LDLRAD4: variants seen among roughly 807,000 people sequenced by gnomAD.
LDLRAD4 encodes low-density lipoprotein receptor class A domain-containing protein 4.
In LDLRAD4, 5 loss-of-function variants were observed where a neutral mutation model predicts 17.0. That is an observed-to-expected ratio of 0.29 (90% CI 0.15 to 0.62). LDLRAD4 has a LOEUF of 0.62. LDLRAD4 is among the 20% of genes least tolerant of loss of function. The pLI is 0.84. For synonymous variants in LDLRAD4, 168 were observed against 171.8 expected (o/e 0.98, Z 0.17); for missense variants, 340 against 424.7 (o/e 0.80, Z 1.75).
At chr18:13,525,099 G>T (rs1372858790) in intron 3 of LDLRAD4, among the ~76,000 whole-genome samples, 2 of 152,182 alleles carry the variant, frequency 1.3e-5, no homozygotes, top group Non-Finnish European at 2.9e-5. Context: ...AGGTCTAGGT[G>T]CAAGGACTAA....
intron 3 of LDLRAD4, among the ~76,000 whole-genome samples, chr18:13,608,201 C>A (rs1016673077): frequency 6.6e-6 from 1 of 150,934 alleles, no homozygotes; most frequent in Admixed American, 6.6e-5. Flanking sequence ...TAGAGAAATG[C>A]AAATCAAAAC....
intron 1 of LDLRAD4, among the ~76,000 whole-genome samples, chr18:13,337,757 G>T (rs1406932592): frequency 7.1e-5 from 6 of 84,670 alleles, no homozygotes; most frequent in African/African-American, 2.8e-4. Flanking sequence ...AAAAAAAAAA[G>T]AGTTAGCCAA....
intron 4 of LDLRAD4, among the ~76,000 whole-genome samples, chr18:13,630,724 T>C (rs1351210965): frequency 6.6e-6 from 1 of 152,176 alleles, no homozygotes; most frequent in African/African-American, 2.4e-5. Context: ...CTTCAATCTG[T>C]ATCTTGCCAT....
intron 1 of LDLRAD4, among the ~76,000 whole-genome samples, chr18:13,364,730 G>A (rs574792327): frequency 2.0e-5 from 3 of 152,270 alleles, no homozygotes; most frequent in East Asian, 3.9e-4. Flanking sequence ...ACTTTGTTCT[G>A]TATTTCCTGC....
intron 3 of LDLRAD4, among the ~76,000 whole-genome samples, chr18:13,442,616 C>T (rs1600300749): frequency 6.6e-6 from 1 of 152,234 alleles, no homozygotes. Flanking sequence ...GGCCGGCCGG[C>T]TGCGGGGAGC....
intron 1 of LDLRAD4, among the ~76,000 whole-genome samples, chr18:13,353,640 G>A (rs1202112547): frequency 6.6e-6 from 1 of 152,212 alleles, no homozygotes. Context: ...GCAATGCAGA[G>A]ACCAGTCCTC....
At chr18:13,420,676 G>C (rs538323903) in intron 2 of LDLRAD4, 1 of 152,228 alleles carries the variant, frequency 6.6e-6, no homozygotes, top group African/African-American at 2.4e-5. Context: ...AGAAGTTCAC[G>C]GTGAAACTTT....
At chr18:13,623,937 C>T (rs193131763) in intron 4 of LDLRAD4, among the ~76,000 whole-genome samples, 27 of 152,350 alleles carry the variant, frequency 1.8e-4, no homozygotes, top group Non-Finnish European at 1.5e-5. Flanking sequence ...CATTTACACT[C>T]AGCTCAGGAG....
At chr18:13,612,798 G>A in intron 3 of LDLRAD4, 1 of 1,613,756 alleles carries the variant, frequency 6.2e-7, no homozygotes, top group Non-Finnish European at 8.5e-7. Flanking sequence ...GAACTGCTAT[G>A]GATGATGCAT....
In LDLRAD4 at chr18:13,230,074, C is replaced by A. The variant is rs936098049; in HGVS notation, c.-467+11086C>A. On this transcript the variant is annotated intron_variant, in intron 1 of 5. Coordinates refer to the LDLRAD4 transcript ENST00000399848. Reference sequence around the variant, plus strand: ...TGGGGCTTCTAGGAGGGGATTAGGTCACGAGGCTTCTCCCTCATGTGTGGG... The same window carrying A: ...TGGGGCTTCTAGGAGGGGATTAGGTAACGAGGCTTCTCCCTCATGTGTGGG... Among the ~76,000 whole-genome samples, 9 of 152,206 alleles carry A rather than the reference C, an allele frequency of 5.9e-5. No homozygotes were observed. The East Asian group carries it at 1.7e-3, about 29-fold the overall frequency.
At chr18:13,448,641 T>G in intron 3 of LDLRAD4, among the ~76,000 whole-genome samples, 2 of 149,262 alleles carry the variant, frequency 1.3e-5, no homozygotes, top group African/African-American at 2.5e-5. Flanking sequence ...AAAGATGAGA[T>G]TGGGGGGCGG....
intron 3 of LDLRAD4, among the ~76,000 whole-genome samples, chr18:13,446,205 T>C (rs1236380687): frequency 6.6e-6 from 1 of 152,146 alleles, no homozygotes; most frequent in African/African-American, 2.4e-5. Context: ...AATGCAGCGC[T>C]CAGGGCGGTG....
intron 1 of LDLRAD4, among the ~76,000 whole-genome samples, chr18:13,358,804 A>G (rs2083491697): frequency 6.6e-6 from 1 of 152,214 alleles, no homozygotes; most frequent in African/African-American, 2.4e-5. Flanking sequence ...ATTCATCCAT[A>G]TTATTAAAAA....
At chr18:13,557,684 G>A (rs1479785418) in intron 3 of LDLRAD4, among the ~76,000 whole-genome samples, 1 of 152,240 alleles carries the variant, frequency 6.6e-6, no homozygotes, top group Non-Finnish European at 1.5e-5. Flanking sequence ...ACAGGCGTGA[G>A]CCACCACAGC....
At chr18:13,246,609 G>A (rs2042967440) in intron 1 of LDLRAD4, among the ~76,000 whole-genome samples, 1 of 152,258 alleles carries the variant, frequency 6.6e-6, no homozygotes, top group Admixed American at 6.5e-5. Context: ...CATGGCTGCA[G>A]TCGGTATTGG....
chr18:13,445,292 CTG>C (rs957661329), intron 3 of LDLRAD4, among the ~76,000 whole-genome samples: 52 of 152,018 alleles, frequency 3.4e-4, no homozygotes, highest in African/African-American at 1.2e-3. Context: ...GTGTGTGGGA[CTG>C]TGTGTGGTAT....
Position 13,255,140 on chromosome 18 carries a change from G to T in LDLRAD4, c.-466-22965G>T, listed in dbSNP as rs1177239107. 5.9e-5 allele frequency among the ~76,000 whole-genome samples: 9 copies of T among 152,236 alleles called. No homozygotes were observed. In the East Asian group the frequency reaches 1.7e-3, roughly 29 times the overall value. On this transcript the variant is annotated intron_variant, in intron 1 of 5. Transcript: ENST00000399848. ...ACAGCCAGGGTGTCTGGGTTCAGCA[G>T]ATACTTCCAGAGCCCTGCTGTGTGC...
At chr18:13,551,074 A>C (rs545811314) in intron 3 of LDLRAD4, among the ~76,000 whole-genome samples, 32 of 151,988 alleles carry the variant, frequency 2.1e-4, no homozygotes, top group African/African-American at 7.7e-4. Context: ...GCAATTTTCT[A>C]TGCATCTCTA....
At chr18:13,236,693 G>T (rs764118483) in intron 1 of LDLRAD4, among the ~76,000 whole-genome samples, 1 of 150,416 alleles carries the variant, frequency 6.6e-6, no homozygotes, top group East Asian at 2.0e-4. Context: ...GGCTCGGTCC[G>T]TGTTTCTCAG....
Sources: gnomAD v4.1 joint callset for allele counts (sites outside exome capture counted in the v4.1 genomes callset) on GRCh38, gnomAD v4.1.1 for gene constraint, MANE v1.5 for transcripts, NCBI Gene and HGNC (gene_info 2026-07-23, HGNC 2026-07-21) for gene names.